NUP205: variants seen among roughly 807,000 people sequenced by gnomAD.
The protein encoded by NUP205 is nuclear pore complex protein Nup205.
Under a neutral mutation model 253.8 loss-of-function variants are expected in NUP205, and 76 were observed. That is an observed-to-expected ratio of 0.30 (90% CI 0.25 to 0.36). The LOEUF (loss-of-function observed/expected upper bound fraction) is 0.36. Among genes scored for constraint, NUP205 ranks in the 10% least tolerant of loss-of-function variants. The probability of loss-of-function intolerance (pLI) is 1.00; values close to 1 mark genes in which losing one functional copy is unlikely to be tolerated. For synonymous variants in NUP205, 832 were observed against 850.1 expected (o/e 0.98, Z 0.37); for missense variants, 2,162 against 2,425.5 (o/e 0.89, Z 2.28).
chr7:135,611,560 G>C (rs1033348471), intron 22 of NUP205, among the ~76,000 whole-genome samples: 1 of 151,754 alleles, frequency 6.6e-6, no homozygotes, highest in Non-Finnish European at 1.5e-5. Flanking sequence ...GTTGTATTCA[G>C]TATACATGAA....
rs1205279933 is a variant in NUP205 at position 135,617,131 on chromosome 7, A to G, written c.3574A>G (p.Ser1192Gly). ...ILNILDSIDF[S>G]QEIPEPLQLD... is the part of the protein sequence containing the mutation. Reference sequence around the variant, plus strand: ...AAATATTCTTGACTCGATTGACTTCAGTCAGGAGATCCCTGAGCCTTTGCA... The same window carrying G: ...AAATATTCTTGACTCGATTGACTTCGGTCAGGAGATCCCTGAGCCTTTGCA... Residue 1192 changes from serine (S) to glycine (G), a missense_variant, in exon 26 of 43, where the codon AGT becomes GGT. This residue lies in a region of NUP205 where 1,144 missense variants were observed against 1,280.9 expected (regional missense o/e 0.89). Transcript: ENST00000285968. The G allele has an allele frequency of 6.2e-7, 1 of 1,613,490 alleles. No homozygotes were observed. The highest frequency in any genetic ancestry group is 1.3e-5 in the African/African-American group (1 of 75,004).
chr7:135,614,704 A>G (rs1794316435), intron 23 of NUP205, among the ~76,000 whole-genome samples: 1 of 152,222 alleles, frequency 6.6e-6, no homozygotes, highest in African/African-American at 2.4e-5. Flanking sequence ...AAAACTAATT[A>G]TGGTAGAAAA....
intron 41 of NUP205, chr7:135,645,815 G>T: frequency 1.7e-6 from 1 of 583,938 alleles, no homozygotes. Context: ...CTCATCAGCT[G>T]TTCCTTAGCT....
At chr7:135,567,124 GTGTGTATATA>G (rs1307263130) in intron 1 of NUP205, among the ~76,000 whole-genome samples, 310 of 24,208 alleles carry the variant, frequency 0.013, 15 homozygotes, top group East Asian at 0.025. Context: ...CTCAGTCTAT[GTGTGTATATA>G]TATATATATA....
At chr7:135,635,749 C>T (rs944034085) in intron 36 of NUP205, 92 bp downstream of exon 36, 4 of 659,406 alleles carry the variant, frequency 6.1e-6, no homozygotes, top group African/African-American at 5.5e-5. Flanking sequence ...TTGGGAAACC[C>T]CTTTCAACTG....
chr7:135,628,024 C>T lies in NUP205; in HGVS notation c.4845C>T (p.Arg1615=), dbSNP rs747417362. 1.2e-6 allele frequency: 2 copies of T among 1,611,742 alleles called. No homozygotes were observed. The highest frequency in any genetic ancestry group is 1.7e-6 in the Non-Finnish European group (2 of 1,179,626). ...PPMFIPTPVD[R]YRQILLPALQ... ...TGTTCATCCCTACCCCAGTGGATCG[C>T]TACCGCCAGATTCTCCTCCCAGCTC... The change falls in exon 34 of 43, where the codon CGC becomes CGT. Residue 1615 remains arginine, a synonymous_variant. Coordinates refer to ENST00000285968, the MANE Select transcript of NUP205 (RefSeq NM_015135.3).
chr7:135,611,524 C>G (rs183448542), intron 22 of NUP205, among the ~76,000 whole-genome samples: 1 of 152,128 alleles, frequency 6.6e-6, no homozygotes, highest in Non-Finnish European at 1.5e-5. Context: ...TGTCTTCTTT[C>G]TCTTTGTGTA....
At chr7:135,562,780 C>T (rs11534080) in intron 1 of NUP205, among the ~76,000 whole-genome samples, 33,671 of 151,576 alleles carry the variant, frequency 0.22, 4,291 homozygotes, top group East Asian at 0.5. Flanking sequence ...CTCCTGACCT[C>T]GTATCTGCCC....
intron 30 of NUP205, 109 bp downstream of exon 30, chr7:135,619,997 A>G (rs12533054): frequency 2.8e-6 from 2 of 717,212 alleles, no homozygotes; most frequent in Non-Finnish European, 4.8e-6. Context: ...GTAAAAAATG[A>G]GTGTTAGTGT....
chr7:135,639,429 C>T (rs1794877248), intron 38 of NUP205, among the ~76,000 whole-genome samples: 1 of 152,074 alleles, frequency 6.6e-6, no homozygotes, highest in Admixed American at 6.5e-5. Flanking sequence ...GTTGCTTACG[C>T]CTGTAATCCT....
At chr7:135,611,066 T>C (rs1472448814) in intron 22 of NUP205, among the ~76,000 whole-genome samples, 2 of 150,024 alleles carry the variant, frequency 1.3e-5, no homozygotes, top group Non-Finnish European at 3.0e-5. Context: ...AGTGCAGTGG[T>C]GTGGTCTCGG....
Position 135,577,981 on chromosome 7 carries a change from T to C in NUP205, c.834T>C (p.Cys278=). 6 of 1,613,930 alleles carry C rather than the reference T, an allele frequency of 3.7e-6. No homozygotes were observed. Among genetic ancestry groups the C allele is most frequent in the Non-Finnish European group, 5.1e-6 (6 of 1,179,856 alleles). The change falls in exon 6 of 43, where the codon TGT becomes TGC. Residue 278 remains cysteine, a synonymous_variant. Transcript: ENST00000285968. ...CTCTTCTTATGGCGCTTCTATACTG[T>C]TTTGATATCAGTTTTATAGAGCAAA... ...NLALLMALLY[C]FDISFIEQST...
In NUP205 at chr7:135,619,408, C is replaced by G. The variant is rs772412838; in HGVS notation, c.3964-15C>G. 1 of 1,608,222 alleles carries G rather than the reference C, an allele frequency of 6.2e-7. No individual in the cohort carries two copies. Among genetic ancestry groups the G allele is most frequent in the Non-Finnish European group, 8.5e-7 (1 of 1,177,552 alleles). On this transcript the variant is annotated splice_polypyrimidine_tract_variant and intron_variant, in intron 28 of 42. Coordinates refer to ENST00000285968, the MANE Select transcript of NUP205 (RefSeq NM_015135.3). ...AAAGCAGGATTCTCACTCTAATTTG[C>G]CCTTGTCCTTTAAGATACTGGATGA... is the stretch of plus-strand genomic sequence containing the variant.
chr7:135,587,027 A>G (rs929089103), intron 8 of NUP205, among the ~76,000 whole-genome samples: 1 of 150,088 alleles, frequency 6.7e-6, no homozygotes, highest in Non-Finnish European at 1.5e-5. Context: ...TGATATTTCC[A>G]ACTGTAATTG....
At position 135,587,967 on chromosome 7, in the gene NUP205, C is replaced by T; in HGVS notation, c.1448C>T (p.Ala483Val). The T allele has an allele frequency of 6.2e-7, 1 of 1,613,502 alleles. No homozygotes were observed. Among genetic ancestry groups the T allele is most frequent in the Non-Finnish European group, 8.5e-7 (1 of 1,179,822 alleles). ...ATCATGGGCTCTTATCTAGGGGTGG[C>T]TCATCAGCGGCCCCCTCAACGCCAG... ...PTIMGSYLGV[A>V]HQRPPQRQVV... Residue 483 changes from alanine (A) to valine (V), a missense_variant, in exon 10 of 43, where the codon GCT (alanine) becomes GTT (valine). By Grantham distance (64) the Ala-to-Val change is moderately conservative. Around this residue, in one of 5 missense-constraint regions of NUP205, gnomAD observed 892 missense variants for 957.1 expected, o/e 0.93. Transcript: ENST00000285968.
chr7:135,571,086 CATTT>C lies in NUP205; in HGVS notation c.29-14_29-11del. ...TGTATGTTTTCTTTGACGGTGGTTT[CATTT>C]ATTTTTTCTTTAAGCTGCTAGTCTA... On this transcript the variant is annotated splice_polypyrimidine_tract_variant and intron_variant, in intron 1 of 42. Coordinates refer to ENST00000285968, the MANE Select transcript of NUP205 (RefSeq NM_015135.3). 1 of 1,534,550 alleles carries C rather than the reference CATTT, an allele frequency of 6.5e-7. No homozygotes were observed. The highest frequency in any genetic ancestry group is 1.9e-5 in the Admixed American group (1 of 51,998).
chr7:135,573,859 T>C (rs770679175), intron 3 of NUP205, 34 bp downstream of exon 3: 1 of 1,521,786 alleles, frequency 6.6e-7, no homozygotes. Flanking sequence ...AGTGGTAAAA[T>C]AATGCAAAAT....
chr7:135,623,011 C>T, intron 31 of NUP205, 86 bp downstream of exon 31: 1 of 1,374,896 alleles, frequency 7.3e-7, no homozygotes, highest in South Asian at 1.3e-5. Context: ...GGTGTGGTGC[C>T]TCATGCCTGT....
chr7:135,582,749 C>G (rs1236325628), intron 7 of NUP205, among the ~76,000 whole-genome samples: 3 of 151,892 alleles, frequency 2.0e-5, no homozygotes, highest in African/African-American at 7.3e-5. Context: ...CATGAGCCAC[C>G]ACACCTGGCT....
Sources: allele counts gnomAD v4.1 joint callset (sites outside exome capture counted in the v4.1 genomes callset), GRCh38; gene constraint gnomAD v4.1.1; regional missense constraint gnomAD v4.1.1; transcripts MANE v1.5; gene names NCBI Gene and HGNC (gene_info 2026-07-23, HGNC 2026-07-21).